Variants in CACNA2D3 observed in about 807,000 individuals in gnomAD.
CACNA2D3 encodes the protein calcium voltage-gated channel auxiliary subunit alpha2delta 3, also known as voltage-dependent calcium channel subunit alpha-2/delta-3.
In CACNA2D3, 60 loss-of-function variants were observed where a neutral mutation model predicts 160.6. The observed-to-expected ratio is 0.37, with a 90% CI of 0.30 to 0.46. The LOEUF is 0.46. Among genes scored for constraint, CACNA2D3 ranks in the 20% least tolerant of loss-of-function variants. The pLI, the probability that CACNA2D3 is intolerant of heterozygous loss-of-function variation, is 1.00. For synonymous variants in CACNA2D3, 558 were observed against 492.9 expected, an observed-to-expected ratio of 1.13 and a Z score of -1.75; for missense variants, 1,205 against 1,365.0, an observed-to-expected ratio of 0.88 and a Z score of 1.85.
chr3:54,734,989 C>G (rs754845899), intron 11 of CACNA2D3, among the ~76,000 whole-genome samples: 4 of 152,208 alleles, frequency 2.6e-5, no homozygotes, highest in Non-Finnish European at 5.9e-5. Flanking sequence ...TGAGTGTAAC[C>G]ATTAAGGCAC....
chr3:55,074,251 A>G lies in CACNA2D3; in HGVS notation c.*45A>G, dbSNP rs1575463952. 1 of 1,461,324 alleles carries G rather than the reference A, an allele frequency of 6.8e-7. No individual in the cohort carries two copies. Among genetic ancestry groups the G allele is most frequent in the Non-Finnish European group, 9.6e-7 (1 of 1,039,934 alleles). The allele number at this position is 1,461,324 out of a possible 1,614,324, so 90.5% of individuals were successfully genotyped here. On this transcript the variant is annotated 3_prime_UTR_variant, in exon 38 of 38. Transcript: ENST00000474759. ...TTACTGACTGAGATGTTCTCTTGGC[A>G]TGCTAAATCATGGATAAACTGTGAA... is the stretch of plus-strand genomic sequence containing the variant.
At chr3:54,279,049 T>C (rs1702811754) in intron 2 of CACNA2D3, among the ~76,000 whole-genome samples, 1 of 152,204 alleles carries the variant, frequency 6.6e-6, no homozygotes, top group South Asian at 2.1e-4. Context: ...CATTCTTTAA[T>C]GTACACGGAT....
intron 2 of CACNA2D3, among the ~76,000 whole-genome samples, chr3:54,296,434 C>T (rs936242874): frequency 4.6e-5 from 7 of 152,234 alleles, no homozygotes; most frequent in African/African-American, 1.7e-4. Context: ...GAGAAGGAAA[C>T]TTACTAACCT....
intron 5 of CACNA2D3, among the ~76,000 whole-genome samples, chr3:54,507,993 T>C (rs1701399393): frequency 6.6e-6 from 1 of 152,228 alleles, no homozygotes; most frequent in Non-Finnish European, 1.5e-5. Context: ...ATTTGTATGT[T>C]GAAACCTAAT....
intron 23 of CACNA2D3, 146 bp from the exon 24 acceptor site, chr3:54,887,813 A>G (rs1018749328): frequency 1.6e-6 from 1 of 637,420 alleles, no homozygotes; most frequent in Non-Finnish European, 2.8e-6. Flanking sequence ...ACTGTTTCAT[A>G]TTTTCAACTA....
intron 11 of CACNA2D3, among the ~76,000 whole-genome samples, chr3:54,645,036 A>G (rs999083503): frequency 3.3e-5 from 5 of 152,212 alleles, no homozygotes; most frequent in African/African-American, 1.2e-4. Flanking sequence ...GTATTAGTCC[A>G]TTTTCACACT....
At chr3:54,549,799 G>A (rs1702127011) in intron 5 of CACNA2D3, among the ~76,000 whole-genome samples, 1 of 152,194 alleles carries the variant, frequency 6.6e-6, no homozygotes, top group African/African-American at 2.4e-5. Flanking sequence ...TCGGGGCTGT[G>A]TTTATATTAA....
At position 54,642,205 on chromosome 3, in the gene CACNA2D3, T is replaced by A. The variant is rs1367752741; in HGVS notation, c.1131T>A (p.Asp377Glu). The change falls in exon 11 of 38, where the codon GAT (aspartate) becomes GAA (glutamate). Residue 377 changes from aspartate (D) to glutamate (E), a missense_variant. Coordinates refer to ENST00000474759, the MANE Select transcript of CACNA2D3 (RefSeq NM_018398.3). ...LITDGAVDTY[D>E]TIFAKYNWPD... Reference sequence around the variant, plus strand: ...CTGATGGGGCGGTGGACACCTATGATACAATCTTTGCAAAATACAATTGGC... The same window carrying A: ...CTGATGGGGCGGTGGACACCTATGAAACAATCTTTGCAAAATACAATTGGC... 1.9e-6 allele frequency: 3 copies of A among 1,612,790 alleles called. No homozygotes were observed. The highest frequency in any genetic ancestry group is 2.7e-5 in the African/African-American group (2 of 74,900).
chr3:54,905,680 G>A (rs2106899884), intron 27 of CACNA2D3, among the ~76,000 whole-genome samples: 1 of 152,258 alleles, frequency 6.6e-6, no homozygotes, highest in Non-Finnish European at 1.5e-5. Context: ...GGCACTACTG[G>A]TTAGGAGGAT....
chr3:54,212,248 A>G (rs1232739310), intron 2 of CACNA2D3, among the ~76,000 whole-genome samples: 2 of 152,160 alleles, frequency 1.3e-5, no homozygotes, highest in Non-Finnish European at 2.9e-5. Flanking sequence ...TACGCCTTTT[A>G]GGGAGACATA....
chr3:55,059,297 C>A (rs930207053), intron 35 of CACNA2D3, among the ~76,000 whole-genome samples: 6 of 152,208 alleles, frequency 3.9e-5, no homozygotes, highest in Non-Finnish European at 8.8e-5. Context: ...ATGTTAAATT[C>A]TCCCTTCGAT....
intron 2 of CACNA2D3, 89 bp downstream of exon 2, chr3:54,123,683 A>T (rs2290132): frequency 0.31 from 319,720 of 1,042,554 alleles, 50,595 homozygotes; most frequent in Middle Eastern, 0.39. Flanking sequence ...GTGAGCCCCG[A>T]GCAGCATCAG....
intron 9 of CACNA2D3, among the ~76,000 whole-genome samples, chr3:54,595,352 G>A (rs931326110): frequency 2.6e-5 from 4 of 151,578 alleles, no homozygotes; most frequent in Non-Finnish European, 4.4e-5. Flanking sequence ...GTGTGTGTGT[G>A]TGTATGGTTG....
intron 34 of CACNA2D3, among the ~76,000 whole-genome samples, chr3:55,015,065 G>C (rs1703300112): frequency 1.3e-5 from 2 of 152,206 alleles, no homozygotes; most frequent in Non-Finnish European, 2.9e-5. Flanking sequence ...AGAGCCAAAT[G>C]AGTCTCACCA....
intron 13 of CACNA2D3, among the ~76,000 whole-genome samples, chr3:54,784,714 T>C (rs372846636): frequency 2.0e-5 from 3 of 152,210 alleles, no homozygotes; most frequent in African/African-American, 7.2e-5. Context: ...ATGGGACAAA[T>C]GAAAAGAGCA....
intron 17 of CACNA2D3, among the ~76,000 whole-genome samples, chr3:54,867,244 A>G (rs1559609742): frequency 6.6e-6 from 1 of 152,154 alleles, no homozygotes; most frequent in Non-Finnish European, 1.5e-5. Flanking sequence ...AGTTGGACAT[A>G]TGAGAATTTA....
intron 5 of CACNA2D3, among the ~76,000 whole-genome samples, chr3:54,507,087 G>A (rs1701382760): frequency 6.6e-6 from 1 of 152,132 alleles, no homozygotes; most frequent in Admixed American, 6.5e-5. Context: ...GTTCATGTGT[G>A]TTTGTAAATA....
intron 2 of CACNA2D3, among the ~76,000 whole-genome samples, chr3:54,152,200 A>G (rs1049099187): frequency 2.0e-5 from 3 of 152,174 alleles, no homozygotes; most frequent in Non-Finnish European, 4.4e-5. Context: ...TCTCCCACGT[A>G]GCCTGGCACC....
At chr3:55,000,381 G>A (rs1702954766) in intron 31 of CACNA2D3, among the ~76,000 whole-genome samples, 1 of 152,114 alleles carries the variant, frequency 6.6e-6, no homozygotes, top group Non-Finnish European at 1.5e-5. Context: ...ATAGTATCAG[G>A]AAAGCCTCCT....
Sources: allele counts gnomAD v4.1 joint callset (sites outside exome capture counted in the v4.1 genomes callset), GRCh38; gene constraint gnomAD v4.1.1; transcripts MANE v1.5; gene names NCBI Gene and HGNC (gene_info 2026-07-23, HGNC 2026-07-21).